TFCP2: variants seen among roughly 807,000 people sequenced by gnomAD.
TFCP2 encodes transcription factor CP2.
TFCP2 carries 33 observed loss-of-function variants against 73.4 expected under a neutral mutation model. The ratio of observed to expected loss-of-function variants is 0.45; its 90% CI spans 0.34 to 0.60. TFCP2 has a LOEUF of 0.60. Ranked by LOEUF, TFCP2 falls within the 20% of genes least tolerant of loss-of-function variation. TFCP2 has a pLI of 0.01. For missense variants in TFCP2, 352 were observed against 604.0 expected, an observed-to-expected ratio of 0.58 and a Z score of 4.37; for synonymous variants, 193 against 211.6, an observed-to-expected ratio of 0.91 and a Z score of 0.76.
rs141386697 is a variant in TFCP2 at position 51,137,243 on chromosome 12, C to G, written c.123-18471G>C. On this transcript the variant is annotated intron_variant, in intron 1 of 14. Transcript: ENST00000257915. Reference sequence around the variant, plus strand: ...GGAGCTGATTTCCCTTTTTTTGCCTCAAGTCTTTCAGTCTCTCACATTTCC... The same window carrying G: ...GGAGCTGATTTCCCTTTTTTTGCCTGAAGTCTTTCAGTCTCTCACATTTCC... Among the ~76,000 whole-genome samples the G allele has an allele frequency of 7.2e-5, 11 of 152,194 alleles. No homozygotes were observed. The East Asian group carries it at 2.1e-3, about 29-fold the overall frequency.
chr12:51,138,934 G>A (rs1006755362), intron 1 of TFCP2, among the ~76,000 whole-genome samples: 8 of 152,084 alleles, frequency 5.3e-5, no homozygotes, highest in African/African-American at 1.4e-4. Context: ...CACCATGCCC[G>A]GCCAGACCAC....
Position 51,134,093 on chromosome 12 carries a change from TG to T in TFCP2, c.123-15322del, listed in dbSNP as rs1326047664. Reference sequence around the variant, plus strand: ...AATCAGTGTAGCCCCATTAAAGGAATGATGGGATGACTATCTTCTTTCCTCC... The same window carrying T: ...AATCAGTGTAGCCCCATTAAAGGAATATGGGATGACTATCTTCTTTCCTCC... On this transcript the variant is annotated intron_variant, in intron 1 of 14. Coordinates refer to ENST00000257915, the MANE Select transcript of TFCP2 (RefSeq NM_005653.5). Among the ~76,000 whole-genome samples, 3 of 152,270 alleles carry T rather than the reference TG, an allele frequency of 2.0e-5. No homozygotes were observed. The East Asian group carries it at 5.8e-4, about 29-fold the overall frequency.
intron 1 of TFCP2, among the ~76,000 whole-genome samples, chr12:51,169,960 A>G (rs979866606): frequency 2.6e-5 from 4 of 152,226 alleles, no homozygotes; most frequent in African/African-American, 9.6e-5. Context: ...AGATTAACAA[A>G]TGTTTGCTGG....
At chr12:51,151,361 A>G (rs1472204645) in intron 1 of TFCP2, among the ~76,000 whole-genome samples, 1 of 152,226 alleles carries the variant, frequency 6.6e-6, no homozygotes, top group Non-Finnish European at 1.5e-5. Flanking sequence ...TTTATCACTA[A>G]AACAGGTACA....
intron 1 of TFCP2, among the ~76,000 whole-genome samples, chr12:51,129,333 G>A (rs996733222): frequency 1.3e-5 from 2 of 151,848 alleles, no homozygotes; most frequent in South Asian, 2.1e-4. Flanking sequence ...CCAACATGGT[G>A]AAACCCCATC....
chr12:51,161,620 C>T (rs529400355), intron 1 of TFCP2, among the ~76,000 whole-genome samples: 3 of 150,750 alleles, frequency 2.0e-5, no homozygotes, highest in Admixed American at 6.6e-5. Context: ...GCAGAGGTTG[C>T]GGTGAGCCAA....
At chr12:51,141,288 A>C (rs1321879655) in intron 1 of TFCP2, among the ~76,000 whole-genome samples, 1 of 151,680 alleles carries the variant, frequency 6.6e-6, no homozygotes, top group African/African-American at 2.4e-5. Context: ...GGCTAAATAA[A>C]TTTCCAGATT....
rs1297166751 is a variant in TFCP2, at chr12:51,172,518, CA to C, written c.-97del. ...GGAGTAACGCAAACCAAGAAAACTA[CA>C]AACCAAGGTTTCCCACGCAGTGCCC... is the stretch of plus-strand genomic sequence containing the variant. On this transcript the variant is annotated 5_prime_UTR_variant, in exon 1 of 15. Transcript: ENST00000257915. 5 of 1,557,924 alleles carry C rather than the reference CA, an allele frequency of 3.2e-6. No individual in the cohort carries two copies. In the African/African-American group the frequency reaches 6.8e-5, roughly 21 times the overall value.
At chr12:51,107,214 T>A in intron 7 of TFCP2, 22 bp downstream of exon 7, 1 of 1,556,742 alleles carries the variant, frequency 6.4e-7, no homozygotes, top group East Asian at 2.2e-5. Context: ...ACTGAAATTG[T>A]CACCAAAAGA....
intron 13 of TFCP2, among the ~76,000 whole-genome samples, chr12:51,097,489 AC>A (rs974160121): frequency 3.4e-5 from 5 of 147,862 alleles, no homozygotes; most frequent in African/African-American, 1.3e-4. Context: ...CTTGTGATCC[AC>A]CCGTCTCAGC....
At chr12:51,110,089 CATATAT>C (rs997821669) in intron 5 of TFCP2, among the ~76,000 whole-genome samples, 1 of 152,034 alleles carries the variant, frequency 6.6e-6, no homozygotes, top group African/African-American at 2.4e-5. Context: ...GTCTTAAAAT[CATATAT>C]ATAAAGTGTT....
At chr12:51,118,874 T>A in intron 1 of TFCP2, 102 bp from the exon 2 acceptor site, 1 of 1,340,036 alleles carries the variant, frequency 7.5e-7, no homozygotes, top group Non-Finnish European at 1.0e-6. Context: ...CCATAAACAT[T>A]ACTCACCTTG....
intron 1 of TFCP2, among the ~76,000 whole-genome samples, chr12:51,136,304 A>T (rs77360641): frequency 1.4e-3 from 3 of 2,198 alleles, no homozygotes; most frequent in African/African-American, 1.6e-3. Flanking sequence ...ACTCTAAATA[A>T]AAAAAAAAAA....
Position 51,118,603 on chromosome 12 carries a change from A to C in TFCP2, c.274+18T>G, listed in dbSNP as rs748340210. 1.9e-6 allele frequency: 3 copies of C among 1,612,052 alleles called. No homozygotes were observed. The highest frequency in any genetic ancestry group is 2.5e-6 in the Non-Finnish European group (3 of 1,178,866). ...CAGTAGGTCTGCAATAGTACTAATG[A>C]ATGAGGAAGCATCTAACCTTGATTG... On this transcript the variant is annotated intron_variant, in intron 2 of 14. Transcript: ENST00000257915.
chr12:51,107,001 GCAAAC>G, intron 7 of TFCP2: 6 of 578,278 alleles, frequency 1.0e-5, no homozygotes, highest in South Asian at 4.3e-5. Flanking sequence ...AGCTCCTGCA[GCAAAC>G]CAAACCAAAC....
chr12:51,114,623 A>G (rs73105025), intron 4 of TFCP2, among the ~76,000 whole-genome samples: 22,197 of 151,918 alleles, frequency 0.15, 2,054 homozygotes, highest in East Asian at 0.49. Flanking sequence ...ATAAATAAAT[A>G]AATAAAAATA....
intron 5 of TFCP2, 39 bp from the exon 6 acceptor site, chr12:51,109,312 C>T (rs1175702002): frequency 1.2e-6 from 2 of 1,601,556 alleles, no homozygotes; most frequent in Non-Finnish European, 1.7e-6. Flanking sequence ...GTACCGCTAG[C>T]TAGCCAAACC....
chr12:51,170,065 A>AT (rs1162830485), intron 1 of TFCP2, among the ~76,000 whole-genome samples: 16 of 152,232 alleles, frequency 1.1e-4, no homozygotes, highest in Non-Finnish European at 2.2e-4. Context: ...TTTGCTGTGA[A>AT]TATCTTTACA....
At chr12:51,159,455 C>T (rs936131607) in intron 1 of TFCP2, among the ~76,000 whole-genome samples, 4 of 151,864 alleles carry the variant, frequency 2.6e-5, no homozygotes, top group African/African-American at 9.7e-5. Flanking sequence ...TCTCATGCCT[C>T]AGCCGCCCAA....
Sources: gnomAD v4.1 joint callset for allele counts (sites outside exome capture counted in the v4.1 genomes callset) on GRCh38, gnomAD v4.1.1 for gene constraint, MANE v1.5 for transcripts, NCBI Gene and HGNC (gene_info 2026-07-23, HGNC 2026-07-21) for gene names.